SLC35F1: variants seen among roughly 807,000 people sequenced by gnomAD.
The protein encoded by SLC35F1 is chromosome 6 open reading frame 169.
SLC35F1 carries 14 observed loss-of-function variants against 48.7 expected under a neutral mutation model. The ratio of observed to expected loss-of-function variants is 0.29; its 90% CI spans 0.19 to 0.45. The LOEUF (loss-of-function observed/expected upper bound fraction) is 0.45. SLC35F1 is among the 20% of genes least tolerant of loss of function. The pLI is 1.00. For synonymous variants in SLC35F1, 190 were observed against 202.2 expected (o/e 0.94, Z 0.51); for missense variants, 404 against 500.0 (o/e 0.81, Z 1.83).
In SLC35F1 at chr6:118,049,140, C is replaced by G. The variant is rs186125106; in HGVS notation, c.174-105305C>G. Among the ~76,000 whole-genome samples the G allele has an allele frequency of 4.7e-3, 711 of 152,222 alleles. 4 individuals carry two copies. Among genetic ancestry groups the G allele is most frequent in the Non-Finnish European group, 6.3e-3 (429 of 68,002 alleles). On this transcript the variant is annotated intron_variant, in intron 1 of 7. Transcript: ENST00000360388. The stretch of plus-strand genomic sequence containing the variant: ...AGGATTCCCTATTTAATAAATGGTG[C>G]TGGGAAAACAGGCTAGCCAAACGTA...
chr6:117,996,369 C>T (rs1472405189), intron 1 of SLC35F1, among the ~76,000 whole-genome samples: 3 of 152,170 alleles, frequency 2.0e-5, no homozygotes, highest in Non-Finnish European at 4.4e-5. Context: ...AGCTCCCAGC[C>T]TGAGTGATGC....
At chr6:118,027,282 TTTC>T (rs1771973338) in intron 1 of SLC35F1, among the ~76,000 whole-genome samples, 1 of 152,150 alleles carries the variant, frequency 6.6e-6, no homozygotes, top group South Asian at 2.1e-4. Flanking sequence ...GGACATATGT[TTTC>T]TTTTCTCTCT....
At chr6:118,200,771 G>A (rs1774864279) in intron 2 of SLC35F1, among the ~76,000 whole-genome samples, 1 of 152,042 alleles carries the variant, frequency 6.6e-6, no homozygotes, top group South Asian at 2.1e-4. Flanking sequence ...CAGTTTGGGG[G>A]TTTTGCTCCA....
intron 3 of SLC35F1, among the ~76,000 whole-genome samples, chr6:118,266,228 C>T (rs1775771679): frequency 1.3e-5 from 2 of 152,168 alleles, no homozygotes; most frequent in South Asian, 4.1e-4. Flanking sequence ...CATTTCACCA[C>T]ATTATCTCTC....
intron 1 of SLC35F1, among the ~76,000 whole-genome samples, chr6:118,020,049 C>G (rs1460705055): frequency 3.3e-5 from 5 of 152,110 alleles, no homozygotes; most frequent in African/African-American, 1.2e-4. Flanking sequence ...GTGGTGCAGT[C>G]ATTTTAACAA....
At chr6:117,969,330 G>A (rs1168541589) in intron 1 of SLC35F1, among the ~76,000 whole-genome samples, 2 of 152,138 alleles carry the variant, frequency 1.3e-5, no homozygotes, top group Non-Finnish European at 2.9e-5. Context: ...AAGGTATATA[G>A]AGATCTTATT....
At chr6:118,208,030 G>A (rs1042304859) in intron 2 of SLC35F1, among the ~76,000 whole-genome samples, 1 of 152,084 alleles carries the variant, frequency 6.6e-6, no homozygotes, top group African/African-American at 2.4e-5. Flanking sequence ...AAAAGAAAAT[G>A]GAAACATCAA....
At chr6:117,926,496 G>T (rs551130693) in intron 1 of SLC35F1, among the ~76,000 whole-genome samples, 63 of 151,938 alleles carry the variant, frequency 4.1e-4, no homozygotes, top group Non-Finnish European at 6.3e-4. Context: ...ATTAAAAGAG[G>T]AGTGTGTGTG....
intron 1 of SLC35F1, among the ~76,000 whole-genome samples, chr6:118,049,602 A>G (rs1772354992): frequency 6.6e-6 from 1 of 151,346 alleles, no homozygotes; most frequent in Non-Finnish European, 1.5e-5. Context: ...CAGCCAAAAA[A>G]CACATGAAAA....
chr6:118,130,351 G>T (rs1474186444), intron 1 of SLC35F1, among the ~76,000 whole-genome samples: 1 of 152,132 alleles, frequency 6.6e-6, no homozygotes, highest in African/African-American at 2.4e-5. Context: ...CAAAAGTGAA[G>T]ATAGTTTCTT....
chr6:118,035,239 G>T (rs1329083232), intron 1 of SLC35F1, among the ~76,000 whole-genome samples: 1 of 151,964 alleles, frequency 6.6e-6, no homozygotes, highest in African/African-American at 2.4e-5. Flanking sequence ...CTTGATATTG[G>T]TGCTTTCTAC....
intron 1 of SLC35F1, among the ~76,000 whole-genome samples, chr6:117,921,284 T>G (rs1297281557): frequency 6.6e-6 from 1 of 152,224 alleles, no homozygotes; most frequent in Non-Finnish European, 1.5e-5. Context: ...GCATTTAATG[T>G]AGAATTACCC....
At chr6:118,238,372 T>G (rs937431705) in intron 3 of SLC35F1, among the ~76,000 whole-genome samples, 1 of 151,832 alleles carries the variant, frequency 6.6e-6, no homozygotes, top group Non-Finnish European at 1.5e-5. Context: ...AGAGGATTGC[T>G]TGAGGCCAAG....
chr6:118,165,709 G>T (rs1165916741), intron 2 of SLC35F1, among the ~76,000 whole-genome samples: 1 of 152,190 alleles, frequency 6.6e-6, no homozygotes, highest in Non-Finnish European at 1.5e-5. Flanking sequence ...CATGTCAACT[G>T]CAGAAGGTGA....
At chr6:117,967,618 C>A (rs536233992) in intron 1 of SLC35F1, among the ~76,000 whole-genome samples, 20 of 152,266 alleles carry the variant, frequency 1.3e-4, no homozygotes, top group Non-Finnish European at 2.8e-4. Context: ...GAATTGCTGG[C>A]TTTTTGGCAA....
intron 7 of SLC35F1, among the ~76,000 whole-genome samples, chr6:118,309,601 C>T (rs904755154): frequency 4.6e-5 from 7 of 152,336 alleles, no homozygotes; most frequent in Admixed American, 2.0e-4. Flanking sequence ...CTCTTCTTCA[C>T]ATAGTCTAGT....
At chr6:118,112,701 A>C (rs1226751911) in intron 1 of SLC35F1, among the ~76,000 whole-genome samples, 1 of 152,178 alleles carries the variant, frequency 6.6e-6, no homozygotes, top group African/African-American at 2.4e-5. Context: ...ACAACCACTA[A>C]AAATGTTTTA....
At chr6:118,140,349 A>G (rs1017007129) in intron 1 of SLC35F1, among the ~76,000 whole-genome samples, 3 of 152,198 alleles carry the variant, frequency 2.0e-5, no homozygotes, top group African/African-American at 4.8e-5. Context: ...TGGAGCTAAG[A>G]AAGTCTTATC....
At chr6:118,020,883 A>C (rs1378519061) in intron 1 of SLC35F1, among the ~76,000 whole-genome samples, 1 of 152,132 alleles carries the variant, frequency 6.6e-6, no homozygotes, top group Non-Finnish European at 1.5e-5. Flanking sequence ...GAGAAAATTG[A>C]CTGGTGTGGT....
Sources: allele counts gnomAD v4.1 joint callset (sites outside exome capture counted in the v4.1 genomes callset), GRCh38; gene constraint gnomAD v4.1.1; transcripts MANE v1.5; gene names NCBI Gene and HGNC (gene_info 2026-07-23, HGNC 2026-07-21).